The following JPH3 variants were observed in gnomAD, a reference collection of about 807,000 sequenced individuals.
The protein encoded by JPH3 is junctophilin 3, also known as junctophilin-3.
JPH3 carries 11 observed loss-of-function variants against 59.6 expected under a neutral mutation model. The ratio of observed to expected loss-of-function variants is 0.18; its 90% CI spans 0.12 to 0.31. The LOEUF (loss-of-function observed/expected upper bound fraction) is 0.31. Among genes scored for constraint, JPH3 ranks in the 10% least tolerant of loss-of-function variants. JPH3 has a pLI of 1.00. For synonymous variants in JPH3, 673 were observed against 483.6 expected, an observed-to-expected ratio of 1.39 and a Z score of -5.14; for missense variants, 1,202 against 1,105.7, an observed-to-expected ratio of 1.09 and a Z score of -1.24.
chr16:87,637,561 C>T (rs7203995), intron 1 of JPH3, among the ~76,000 whole-genome samples: 20,210 of 152,030 alleles, frequency 0.13, 1,495 homozygotes, highest in Middle Eastern at 0.19. Context: ...TCACGTGCTG[C>T]GCTGACGTGG....
intron 1 of JPH3, among the ~76,000 whole-genome samples, chr16:87,608,537 G>A (rs1567580028): frequency 2.0e-5 from 3 of 152,314 alleles, no homozygotes; most frequent in East Asian, 3.9e-4. Context: ...CTTGAGTAAG[G>A]TGCTGTCTTC....
chr16:87,696,094 G>C (rs146570476), intron 4 of JPH3: 1 of 457,168 alleles, frequency 2.2e-6, no homozygotes, highest in Non-Finnish European at 4.4e-6. Context: ...CTGTGCTCAC[G>C]GACTTTGGGA....
chr16:87,690,524 A>G lies in JPH3; in HGVS notation c.2164A>G (p.Thr722Ala). ...EENGDELKSS[T>A]GSAPILVVMV... Reference sequence around the variant, plus strand: ...GAATGGGGATGAGCTCAAGTCCAGTACGGTGAGTGGGCGGCCACCAGGCTG... The same window carrying G: ...GAATGGGGATGAGCTCAAGTCCAGTGCGGTGAGTGGGCGGCCACCAGGCTG... The change falls in exon 4 of 5, where the codon ACG becomes GCG. Residue 722 changes from threonine to alanine, a missense_variant and splice_region_variant. Coordinates refer to ENST00000284262, the MANE Select transcript of JPH3 (RefSeq NM_020655.4). 6.8e-7 allele frequency: 1 copy of G among 1,468,394 alleles called. No individual in the cohort carries two copies. The highest frequency in any genetic ancestry group is 9.0e-7 in the Non-Finnish European group (1 of 1,110,262). The allele number at this position is 1,468,394 out of a possible 1,614,324, so 91.0% of individuals were successfully genotyped here. A position where few individuals can be genotyped will look rare whatever the true frequency, so the allele number is the denominator to read the frequency against.
At chr16:87,674,263 G>A (rs1412180763) in intron 2 of JPH3, among the ~76,000 whole-genome samples, 28 of 152,188 alleles carry the variant, frequency 1.8e-4, no homozygotes, top group Admixed American at 1.8e-3. Context: ...GAACCCGGGA[G>A]GTGGAGCTTG....
intron 2 of JPH3, among the ~76,000 whole-genome samples, chr16:87,666,320 C>A (rs1481581268): frequency 6.6e-6 from 1 of 151,694 alleles, no homozygotes; most frequent in Non-Finnish European, 1.5e-5. Context: ...AACTCCTGAC[C>A]TCAGGTGATC....
intron 1 of JPH3, among the ~76,000 whole-genome samples, chr16:87,623,134 C>T (rs1336102013): frequency 6.6e-6 from 1 of 152,220 alleles, no homozygotes; most frequent in Non-Finnish European, 1.5e-5. Flanking sequence ...GGATACTGCC[C>T]AGCCAGCCTG....
intron 3 of JPH3, among the ~76,000 whole-genome samples, chr16:87,687,397 G>C (rs1485913254): frequency 1.3e-5 from 2 of 152,340 alleles, no homozygotes; most frequent in East Asian, 3.9e-4. Context: ...CGGCTGCAGA[G>C]AGTGGCTGGC....
intron 2 of JPH3, among the ~76,000 whole-genome samples, chr16:87,674,485 G>C (rs529945771): frequency 6.6e-6 from 1 of 152,344 alleles, no homozygotes; most frequent in African/African-American, 2.4e-5. Context: ...AGATATCCTA[G>C]TGAGCTCCCA....
intron 2 of JPH3, among the ~76,000 whole-genome samples, chr16:87,653,396 C>T (rs561787959): frequency 6.6e-6 from 1 of 152,118 alleles, no homozygotes; most frequent in South Asian, 2.1e-4. Flanking sequence ...GGGATCCCTG[C>T]TGGCCATGCC....
At chr16:87,633,952 T>G (rs2031648416) in intron 1 of JPH3, among the ~76,000 whole-genome samples, 1 of 152,148 alleles carries the variant, frequency 6.6e-6, no homozygotes, top group African/African-American at 2.4e-5. Flanking sequence ...AAGGATAAAT[T>G]TTAATGTCAT....
intron 1 of JPH3, among the ~76,000 whole-genome samples, chr16:87,608,969 C>A (rs1214560341): frequency 6.6e-6 from 1 of 152,222 alleles, no homozygotes; most frequent in Non-Finnish European, 1.5e-5. Context: ...CCCCGGAGGT[C>A]AAGGCTGCAG....
intron 1 of JPH3, among the ~76,000 whole-genome samples, chr16:87,635,839 A>T (rs960676087): frequency 2.6e-5 from 4 of 152,046 alleles, no homozygotes; most frequent in African/African-American, 7.2e-5. Context: ...GCTGCAGCAG[A>T]GCCGGGGGCT....
At chr16:87,645,506 C>A (rs919932096) in intron 2 of JPH3, among the ~76,000 whole-genome samples, 1 of 152,160 alleles carries the variant, frequency 6.6e-6, no homozygotes, top group Non-Finnish European at 1.5e-5. Context: ...TCTTCCGGGA[C>A]CCTGGGAGAT....
At chr16:87,634,745 A>T (rs2031677196) in intron 1 of JPH3, among the ~76,000 whole-genome samples, 1 of 152,178 alleles carries the variant, frequency 6.6e-6, no homozygotes, top group South Asian at 2.1e-4. Flanking sequence ...TCCAGAACGG[A>T]GGCTGTGACC....
intron 2 of JPH3, among the ~76,000 whole-genome samples, chr16:87,678,818 G>A (rs2033214649): frequency 6.6e-6 from 1 of 152,246 alleles, no homozygotes. Context: ...GGCAGAGGCC[G>A]AGAGGCGGGA....
intron 1 of JPH3, among the ~76,000 whole-genome samples, chr16:87,629,191 G>A (rs2031482079): frequency 6.6e-6 from 1 of 152,174 alleles, no homozygotes; most frequent in Admixed American, 6.5e-5. Context: ...TATTTCACAA[G>A]TGCTCAGCAA....
At chr16:87,604,515 C>A (rs952959437) in intron 1 of JPH3, 1 of 1,293,072 alleles carries the variant, frequency 7.7e-7, no homozygotes, top group South Asian at 1.5e-5. Context: ...CTCAGAGGCA[C>A]TGGGTCCTCT....
At chr16:87,688,475 G>T (rs2033472363) in intron 3 of JPH3, among the ~76,000 whole-genome samples, 1 of 132,958 alleles carries the variant, frequency 7.5e-6, no homozygotes, top group African/African-American at 4.2e-5. Context: ...AGGTCAGACT[G>T]GGGTACAGGC....
At chr16:87,658,358 C>T (rs993020055) in intron 2 of JPH3, among the ~76,000 whole-genome samples, 1 of 151,580 alleles carries the variant, frequency 6.6e-6, no homozygotes, top group African/African-American at 2.4e-5. Context: ...CTCTCCTTCT[C>T]CCCGCTTCTC....
Sources: allele counts gnomAD v4.1 joint callset (sites outside exome capture counted in the v4.1 genomes callset), GRCh38; gene constraint gnomAD v4.1.1; transcripts MANE v1.5; gene names NCBI Gene and HGNC (gene_info 2026-07-23, HGNC 2026-07-21).